Variants in SLC35D4 observed in about 807,000 individuals in gnomAD.
SLC35D4 encodes UDP-N-acetylglucosamine transporter SLC35D4.
At chr18:23,395,844 G>A in the SLC35D4 span, among the ~76,000 whole-genome samples, 1,527 of 152,282 alleles carry the variant, frequency 0.01, 21 homozygotes, top group African/African-American at 0.036. Flanking sequence ...AAGCAGGCCC[G>A]AATCAGCCCA....
At chr18:23,371,949 T>TTTTTTTTTTTC in the SLC35D4 span, among the ~76,000 whole-genome samples, 1 of 103,080 alleles carries the variant, frequency 9.7e-6, no homozygotes, top group Non-Finnish European at 2.0e-5. Flanking sequence ...TTTTTTTTTT[T>TTTTTTTTTTTC]TTTTGAGACG....
At chr18:23,381,272 T>A in the SLC35D4 span, among the ~76,000 whole-genome samples, 1 of 152,226 alleles carries the variant, frequency 6.6e-6, no homozygotes, top group African/African-American at 2.4e-5. Context: ...TTCGTGTAAA[T>A]ACATCTATAT....
the SLC35D4 span, among the ~76,000 whole-genome samples, chr18:23,416,703 G>A: frequency 6.6e-6 from 1 of 152,190 alleles, no homozygotes; most frequent in Non-Finnish European, 1.5e-5. Context: ...TGGAGCTGTG[G>A]GTGGCTGTGA....
At chr18:23,252,407 A>G in the SLC35D4 span, among the ~76,000 whole-genome samples, 759 of 152,288 alleles carry the variant, frequency 5.0e-3, 8 homozygotes, top group African/African-American at 0.017. Context: ...AAAAACTAAA[A>G]GAACATTAGC....
the SLC35D4 span, among the ~76,000 whole-genome samples, chr18:23,286,279 C>T: frequency 2.0e-5 from 3 of 152,174 alleles, no homozygotes; most frequent in African/African-American, 7.2e-5. Context: ...AGTGGCCAGG[C>T]ATTCCTCCAG....
At chr18:23,385,726 G>T in the SLC35D4 span, among the ~76,000 whole-genome samples, 1 of 152,174 alleles carries the variant, frequency 6.6e-6, no homozygotes, top group African/African-American at 2.4e-5. Context: ...CCAGTGAAGA[G>T]TTTTAAAGCT....
the SLC35D4 span, among the ~76,000 whole-genome samples, chr18:23,270,675 G>T: frequency 0.022 from 3,400 of 152,342 alleles, 120 homozygotes; most frequent in African/African-American, 0.077. Flanking sequence ...GCATCAGCAT[G>T]CCTTGGATGA....
chr18:23,337,264 G>A, the SLC35D4 span, among the ~76,000 whole-genome samples: 64 of 152,206 alleles, frequency 4.2e-4, no homozygotes, highest in Middle Eastern at 3.4e-3. Context: ...ACAAGGTCAG[G>A]AGATTGAGAC....
the SLC35D4 span, among the ~76,000 whole-genome samples, chr18:23,330,629 T>C: frequency 2.0e-5 from 3 of 152,174 alleles, no homozygotes; most frequent in African/African-American, 7.2e-5. Context: ...CTCCGGATGG[T>C]TGGGCTGCAG....
At chr18:23,239,613 A>G in the SLC35D4 span, among the ~76,000 whole-genome samples, 2 of 152,116 alleles carry the variant, frequency 1.3e-5, no homozygotes, top group South Asian at 2.1e-4. Flanking sequence ...TGTTTGCTTT[A>G]TTTTTGTGTG....
chr18:23,425,962 A>C, the SLC35D4 span, among the ~76,000 whole-genome samples: 1 of 152,184 alleles, frequency 6.6e-6, no homozygotes, highest in African/African-American at 2.4e-5. Flanking sequence ...ATACAGGTGA[A>C]TATCTAAATG....
chr18:23,400,509 C>T, the SLC35D4 span, among the ~76,000 whole-genome samples: 1 of 152,106 alleles, frequency 6.6e-6, no homozygotes, highest in Non-Finnish European at 1.5e-5. Flanking sequence ...CACCTATAAT[C>T]CCAGCTACTC....
chr18:23,372,010 A>C, the SLC35D4 span, among the ~76,000 whole-genome samples: 1 of 118,492 alleles, frequency 8.4e-6, no homozygotes, highest in African/African-American at 3.3e-5. Flanking sequence ...ATCTCGGCTC[A>C]CTGCAAGCTC....
the SLC35D4 span, chr18:23,309,819 A>C: frequency 7.0e-6 from 10 of 1,434,640 alleles, no homozygotes; most frequent in African/African-American, 1.4e-4. Context: ...TTTTTTCACA[A>C]GCTTAGCTCA....
chr18:23,240,765 C>G, the SLC35D4 span, among the ~76,000 whole-genome samples: 6 of 152,250 alleles, frequency 3.9e-5, no homozygotes, highest in Non-Finnish European at 8.8e-5. Flanking sequence ...GAGGCGCCCA[C>G]CTGAAATCCT....
At chr18:23,368,611 C>T in the SLC35D4 span, 5 of 742,130 alleles carry the variant, frequency 6.7e-6, no homozygotes, top group South Asian at 9.2e-5. Flanking sequence ...AACTTATCTT[C>T]CTGGCAGGCA....
chr18:23,368,428 G>A, the SLC35D4 span, among the ~76,000 whole-genome samples: 1 of 152,224 alleles, frequency 6.6e-6, no homozygotes, highest in African/African-American at 2.4e-5. Context: ...CAATCTAGAA[G>A]TGAGGGTGTG....
the SLC35D4 span, among the ~76,000 whole-genome samples, chr18:23,266,284 C>T: frequency 6.6e-6 from 1 of 152,100 alleles, no homozygotes; most frequent in Non-Finnish European, 1.5e-5. Context: ...GTCATAGTAC[C>T]TCCCATCAGA....
chr18:23,416,483 G>A, the SLC35D4 span, among the ~76,000 whole-genome samples: 1 of 152,126 alleles, frequency 6.6e-6, no homozygotes. Flanking sequence ...GACATAATCA[G>A]AAAACAAAGC....
Sources: allele counts gnomAD v4.1 joint callset (sites outside exome capture counted in the v4.1 genomes callset), GRCh38; gene constraint gnomAD v4.1.1; transcripts MANE v1.5; gene names NCBI Gene and HGNC (gene_info 2026-07-23, HGNC 2026-07-21).